CPNE8: variants seen among roughly 807,000 people sequenced by gnomAD.
CPNE8 encodes the protein copine-8.
CPNE8 carries 45 observed loss-of-function variants against 81.5 expected under a neutral mutation model. The ratio of observed to expected loss-of-function variants is 0.55; its 90% CI spans 0.44 to 0.71. CPNE8 has a LOEUF of 0.71. CPNE8 is among the 30% of genes least tolerant of loss of function. The pLI is 0.00. For missense variants in CPNE8, 594 were observed against 672.1 expected, an observed-to-expected ratio of 0.88 and a Z score of 1.28; for synonymous variants, 252 against 226.3, an observed-to-expected ratio of 1.11 and a Z score of -1.02.
intron 8 of CPNE8, among the ~76,000 whole-genome samples, chr12:38,765,770 T>TGAA (rs1345763007): frequency 2.0e-5 from 3 of 152,204 alleles, no homozygotes; most frequent in Non-Finnish European, 4.4e-5. Flanking sequence ...CACCAACTTT[T>TGAA]AAAAATAGTT....
intron 6 of CPNE8, among the ~76,000 whole-genome samples, chr12:38,820,995 ATC>A (rs1198961471): frequency 6.6e-6 from 1 of 152,194 alleles, no homozygotes; most frequent in Non-Finnish European, 1.5e-5. Context: ...CATATTTTTC[ATC>A]TGTCCATTTT....
At chr12:38,782,136 T>C (rs1181994500) in intron 6 of CPNE8, among the ~76,000 whole-genome samples, 1 of 152,146 alleles carries the variant, frequency 6.6e-6, no homozygotes, top group Non-Finnish European at 1.5e-5. Context: ...ATGTTAATGT[T>C]AGAAGAAACT....
intron 6 of CPNE8, among the ~76,000 whole-genome samples, chr12:38,791,181 C>A (rs1447023323): frequency 6.6e-6 from 1 of 151,554 alleles, no homozygotes; most frequent in Non-Finnish European, 1.5e-5. Context: ...TTTCATCTTT[C>A]CCAACCCCTT....
rs1469491902 is a variant in CPNE8 at position 38,652,902 on chromosome 12, G to A, written c.*980C>T. The A allele has an allele frequency of 1.3e-5, 2 of 152,606 alleles. No individual in the cohort carries two copies. The highest frequency in any genetic ancestry group is 1.9e-4 in the East Asian group (1 of 5,198). 9.5% of individuals were successfully genotyped at this position (152,606 alleles called of 1,614,324 possible). A position where few individuals can be genotyped will look rare whatever the true frequency, so the allele number is the denominator to read the frequency against. ...AAGACTTCCAGCCTGTGCACCTTGTGTGGCAACGTGGAATGGTGATAACAA... is the reference window on the plus strand; with the variant it reads ...AAGACTTCCAGCCTGTGCACCTTGTATGGCAACGTGGAATGGTGATAACAA... On this transcript the variant is annotated 3_prime_UTR_variant, in exon 20 of 20. Coordinates refer to ENST00000331366, the MANE Select transcript of CPNE8 (RefSeq NM_153634.3).
chr12:38,733,163 G>C (rs1372880965), intron 10 of CPNE8, among the ~76,000 whole-genome samples: 1 of 151,754 alleles, frequency 6.6e-6, no homozygotes, highest in South Asian at 2.1e-4. Flanking sequence ...GAAGAATCTG[G>C]GTAGATAAGT....
intron 19 of CPNE8, among the ~76,000 whole-genome samples, chr12:38,662,554 A>G (rs1048937084): frequency 6.6e-6 from 1 of 152,166 alleles, no homozygotes; most frequent in African/African-American, 2.4e-5. Context: ...TGTTAAAATG[A>G]CCATACTACC....
chr12:38,770,221 A>C (rs1941774570), intron 7 of CPNE8, among the ~76,000 whole-genome samples: 1 of 152,148 alleles, frequency 6.6e-6, no homozygotes, highest in African/African-American at 2.4e-5. Context: ...CTATCCATAA[A>C]CTTGCTTCTC....
intron 10 of CPNE8, among the ~76,000 whole-genome samples, chr12:38,750,098 A>G (rs187825679): frequency 1.4e-4 from 21 of 151,758 alleles, no homozygotes; most frequent in Admixed American, 3.3e-4. Flanking sequence ...AGCTTGGACT[A>G]AAAGAGGCCA....
intron 1 of CPNE8, among the ~76,000 whole-genome samples, chr12:38,884,122 C>T (rs1022029503): frequency 1.2e-4 from 19 of 152,098 alleles, no homozygotes; most frequent in Non-Finnish European, 4.4e-5. Context: ...CAACTACTAC[C>T]ACTATCTAAT....
At chr12:38,711,739 G>T (rs1414538128) in intron 13 of CPNE8, among the ~76,000 whole-genome samples, 5 of 152,164 alleles carry the variant, frequency 3.3e-5, no homozygotes, top group Admixed American at 6.5e-5. Flanking sequence ...AAAGTGCTGG[G>T]ATTACAGGCA....
intron 13 of CPNE8, among the ~76,000 whole-genome samples, chr12:38,708,802 A>T (rs1213862618): frequency 2.0e-5 from 3 of 152,260 alleles, no homozygotes; most frequent in Admixed American, 2.0e-4. Flanking sequence ...ACATATACAC[A>T]TACAGAGAGT....
intron 8 of CPNE8, 25 bp downstream of exon 8, chr12:38,767,610 T>C (rs771296178): frequency 7.4e-7 from 1 of 1,349,400 alleles, no homozygotes; most frequent in Non-Finnish European, 1.0e-6. Context: ...ACCATATAGT[T>C]GAAATGCATA....
At position 38,652,786 on chromosome 12, in the gene CPNE8, C is replaced by T. The variant is rs1262078134; in HGVS notation, c.*1096G>A. 2 of 152,574 alleles carry T rather than the reference C, an allele frequency of 1.3e-5. No homozygotes were observed. Among genetic ancestry groups the T allele is most frequent in the Non-Finnish European group, 2.9e-5 (2 of 68,024 alleles). 9.5% of individuals were successfully genotyped at this position (152,574 alleles called of 1,614,324 possible). On this transcript the variant is annotated 3_prime_UTR_variant, in exon 20 of 20. Coordinates refer to ENST00000331366, the MANE Select transcript of CPNE8 (RefSeq NM_153634.3). ...AAAACCCTTTACAATTATTCGTGGA[C>T]AGGCAGGTCAGTATATAGGAGTAGG...
chr12:38,664,276 T>C lies in CPNE8; in HGVS notation c.1506+6453A>G, dbSNP rs148430548. ...TCAATAATAAAATAAAAAGGATAATTACAGAATACCTATTTCATTGTTTTG... is the reference window on the plus strand; with the variant it reads ...TCAATAATAAAATAAAAAGGATAATCACAGAATACCTATTTCATTGTTTTG... On this transcript the variant is annotated intron_variant, in intron 19 of 19. Coordinates refer to ENST00000331366, the MANE Select transcript of CPNE8 (RefSeq NM_153634.3). Among the ~76,000 whole-genome samples, 714 of 152,120 alleles carry C rather than the reference T, an allele frequency of 4.7e-3. 4 individuals carry two copies. The highest frequency in any genetic ancestry group is 0.016 in the African/African-American group (663 of 41,534).
At position 38,878,127 on chromosome 12, in the gene CPNE8, C is replaced by T. The variant is rs7305876; in HGVS notation, c.99-3616G>A. ...AAGGGAAGGCATGAATAATCCACCC[C>T]GTGGATATAATCAAGAAATAACCAT... On this transcript the variant is annotated intron_variant, in intron 1 of 19. Transcript: ENST00000331366. Among the ~76,000 whole-genome samples, 1,095 of 152,272 alleles carry T rather than the reference C, an allele frequency of 7.2e-3. 19 individuals are homozygous for T. The highest frequency in any genetic ancestry group is 0.025 in the African/African-American group (1,043 of 41,530).
Position 38,693,647 on chromosome 12 carries a change from A to T in CPNE8, c.1143+10T>A. The T allele has an allele frequency of 6.2e-7, 1 of 1,601,742 alleles. No homozygotes were observed. The highest frequency in any genetic ancestry group is 1.1e-5 in the South Asian group (1 of 88,702). ...TTTCAAAACATCAAATCCTTTTGAC[A>T]AATTCTTACCAAAGCAAATTCGTGA... On this transcript the variant is annotated intron_variant, in intron 15 of 19. Transcript: ENST00000331366.
intron 10 of CPNE8, among the ~76,000 whole-genome samples, chr12:38,734,074 T>C (rs761215465): frequency 6.6e-5 from 10 of 151,952 alleles, no homozygotes; most frequent in Non-Finnish European, 1.5e-4. Context: ...GTATCTCTCA[T>C]CACAGTTCCT....
chr12:38,789,629 A>G (rs1226603735), intron 6 of CPNE8, among the ~76,000 whole-genome samples: 3 of 151,922 alleles, frequency 2.0e-5, no homozygotes, highest in Admixed American at 2.0e-4. Flanking sequence ...TCTACACAGC[A>G]TAGGAAACAA....
At position 38,796,785 on chromosome 12, in the gene CPNE8, T is replaced by A. The variant is rs541304486; in HGVS notation, c.408-20484A>T. ...AGCTCAAGTGGTCAGGGAGTTCCCT[T>A]TCCTAGTCAAAGAAAGGGGTGACAG... is the stretch of plus-strand genomic sequence containing the variant. On this transcript the variant is annotated intron_variant, in intron 6 of 19. Transcript: ENST00000331366. Among the ~76,000 whole-genome samples the A allele has an allele frequency of 2.6e-5, 4 of 152,058 alleles. No individual in the cohort carries two copies. The East Asian group carries it at 7.8e-4, about 30-fold the overall frequency.
Sources: allele counts gnomAD v4.1 joint callset (sites outside exome capture counted in the v4.1 genomes callset), GRCh38; gene constraint gnomAD v4.1.1; transcripts MANE v1.5; gene names NCBI Gene and HGNC (gene_info 2026-07-23, HGNC 2026-07-21).